COL5A1: variants seen among roughly 807,000 people sequenced by gnomAD.
COL5A1 encodes collagen alpha-1(V) chain.
Under a neutral mutation model 263.7 loss-of-function variants are expected in COL5A1, and 16 were observed. That is an observed-to-expected ratio of 0.06 (90% confidence interval 0.04 to 0.09). COL5A1 has a LOEUF of 0.09. Ranked by LOEUF, COL5A1 falls within the 10% of genes least tolerant of loss-of-function variation. The pLI, the probability that COL5A1 is intolerant of heterozygous loss-of-function variation, is 1.00. For synonymous variants in COL5A1, 1,012 were observed against 1,004.5 expected (o/e 1.01, Z -0.14); for missense variants, 2,036 against 2,540.5 (o/e 0.80, Z 4.27).
chr9:134,768,354 G>C, intron 24 of COL5A1, 56 bp from the exon 25 acceptor site: 1 of 1,464,184 alleles, frequency 6.8e-7, no homozygotes, highest in South Asian at 1.1e-5. Flanking sequence ...GGCCGACGGA[G>C]AGGTCAGGTG....
At chr9:134,752,759 T>C in intron 14 of COL5A1, 114 bp downstream of exon 14, 1 of 812,202 alleles carries the variant, frequency 1.2e-6, no homozygotes, top group Non-Finnish European at 2.1e-6. Context: ...AGAGCGGCCC[T>C]TGGTCCAGTG....
chr9:134,748,697 T>A (rs552147167), intron 11 of COL5A1, among the ~76,000 whole-genome samples: 3 of 152,322 alleles, frequency 2.0e-5, no homozygotes, highest in African/African-American at 4.8e-5. Flanking sequence ...AATATACACA[T>A]ATATACATTC....
At chr9:134,835,887 G>A (rs1839836422) in intron 65 of COL5A1, among the ~76,000 whole-genome samples, 1 of 152,190 alleles carries the variant, frequency 6.6e-6, no homozygotes, top group African/African-American at 2.4e-5. Flanking sequence ...ACAGGTCTGG[G>A]ATGTGCCCGC....
intron 19 of COL5A1, among the ~76,000 whole-genome samples, chr9:134,762,582 G>A (rs1231169030): frequency 6.6e-6 from 1 of 152,238 alleles, no homozygotes; most frequent in African/African-American, 2.4e-5. Context: ...AGCACAGTGG[G>A]ATTGGGGCAT....
At chr9:134,648,821 G>A (rs61045038) in intron 1 of COL5A1, among the ~76,000 whole-genome samples, 26,467 of 152,142 alleles carry the variant, frequency 0.17, 2,677 homozygotes, top group African/African-American at 0.25. Context: ...CGGATCGCTC[G>A]CTGCTCGCTG....
intron 1 of COL5A1, among the ~76,000 whole-genome samples, chr9:134,687,474 T>TCATCCATCCATCCATC: frequency 6.6e-6 from 1 of 150,780 alleles, no homozygotes; most frequent in East Asian, 2.0e-4. Context: ...ATCCATCCAT[T>TCATCCATCCATCCATC]CATCCATCCA....
intron 2 of COL5A1, among the ~76,000 whole-genome samples, chr9:134,694,843 CGG>C (rs1564393072): frequency 1.3e-5 from 2 of 152,282 alleles, no homozygotes; most frequent in African/African-American, 4.8e-5. Flanking sequence ...CATCGCCTCA[CGG>C]TGAGGTGGCC....
intron 4 of COL5A1, among the ~76,000 whole-genome samples, chr9:134,719,676 A>G (rs1049743271): frequency 2.0e-5 from 3 of 152,182 alleles, no homozygotes; most frequent in Non-Finnish European, 4.4e-5. Context: ...ATCATGCTCC[A>G]TATCCTGGGT....
At chr9:134,737,215 G>A (rs1319350186) in intron 9 of COL5A1, among the ~76,000 whole-genome samples, 3 of 152,232 alleles carry the variant, frequency 2.0e-5, no homozygotes, top group African/African-American at 4.8e-5. Flanking sequence ...CGTGGAGGGC[G>A]CCATGGCCGC....
chr9:134,759,317 CAT>C (rs1482923344), intron 18 of COL5A1, among the ~76,000 whole-genome samples: 1 of 144,806 alleles, frequency 6.9e-6, no homozygotes, highest in Admixed American at 6.9e-5. Context: ...CCCCCACACT[CAT>C]ACACACATGC....
In COL5A1 at chr9:134,727,667, C is replaced by T. The variant is rs564937129; in HGVS notation, c.786+270C>T. ...ATGGTGAATGCCCAGTGCTCTCTCA[C>T]GCTTGGGCTTGACCTTGATGGGGTA... On this transcript the variant is annotated intron_variant, in intron 5 of 65. Coordinates refer to ENST00000371817, the MANE Select transcript of COL5A1 (RefSeq NM_000093.5). Among the ~76,000 whole-genome samples the T allele has an allele frequency of 7.2e-5, 11 of 152,308 alleles. No homozygotes were observed. In the South Asian group the frequency reaches 1.9e-3, roughly 26 times the overall value.
At chr9:134,712,631 G>GT (rs1208749265) in intron 4 of COL5A1, among the ~76,000 whole-genome samples, 1 of 35,256 alleles carries the variant, frequency 2.8e-5, no homozygotes, top group Admixed American at 4.2e-4. Flanking sequence ...CTTCCTTCCT[G>GT]TTCCCCCTCC....
chr9:134,704,669 A>G lies in COL5A1; in HGVS notation c.654+3336A>G, dbSNP rs372901133. ...CCACAAGTTGTTAATGGTCTGGAGG[A>G]GGTGTTTTCCTAGCCCCAGAGTTTC... On this transcript the variant is annotated intron_variant, in intron 4 of 65. Transcript: ENST00000371817. Among the ~76,000 whole-genome samples, 8 of 152,160 alleles carry G rather than the reference A, an allele frequency of 5.3e-5. No individual in the cohort carries two copies. The East Asian group carries it at 9.6e-4, about 18-fold the overall frequency.
At chr9:134,782,451 C>T (rs1194698650) in intron 28 of COL5A1, 27 of 653,608 alleles carry the variant, frequency 4.1e-5, no homozygotes, top group Non-Finnish European at 5.5e-6. Flanking sequence ...AGGGACGCAG[C>T]TCTCTCCAGC....
At chr9:134,756,370 G>T (rs866165756) in intron 16 of COL5A1, among the ~76,000 whole-genome samples, 1 of 152,210 alleles carries the variant, frequency 6.6e-6, no homozygotes, top group African/African-American at 2.4e-5. Context: ...GAAAGGAGCT[G>T]TGCTGTCTGT....
At chr9:134,727,825 A>G (rs973852612) in intron 5 of COL5A1, among the ~76,000 whole-genome samples, 1 of 152,178 alleles carries the variant, frequency 6.6e-6, no homozygotes, top group African/African-American at 2.4e-5. Flanking sequence ...CCTTGAGTGT[A>G]AAGTGTACTG....
At chr9:134,747,555 A>C (rs527609818) in intron 11 of COL5A1, among the ~76,000 whole-genome samples, 2 of 152,076 alleles carry the variant, frequency 1.3e-5, no homozygotes, top group Admixed American at 1.3e-4. Flanking sequence ...CTGCATATGC[A>C]TGCATACATG....
rs370395403 is a variant in COL5A1 at position 134,701,142 on chromosome 9, C to T, written c.492-29C>T. 7 of 1,612,746 alleles carry T rather than the reference C, an allele frequency of 4.3e-6. No individual in the cohort carries two copies. The African/African-American group carries it at 6.7e-5, about 15-fold the overall frequency. On this transcript the variant is annotated intron_variant, in intron 3 of 65. Transcript: ENST00000371817. ...CTTGAGCTGGCATCTGTGATCCAAG[C>T]CCTGTCTTCACCATCTGTTTCTTTG...
In COL5A1 at chr9:134,700,359, C is replaced by T. The variant is rs1008648103; in HGVS notation, c.491+237C>T. On this transcript the variant is annotated intron_variant, in intron 3 of 65. Transcript: ENST00000371817. This position sits in a 1 kb window ranked among gnomAD's most constrained non-coding sequence, Gnocchi z 4.0. ...TTCTCCTCCCTGGCCCTCCATTATC[C>T]CTTTGTAAAGTGCACTAAAGCACAT... Among the ~76,000 whole-genome samples the T allele has an allele frequency of 6.6e-6, 1 of 152,188 alleles. No individual in the cohort carries two copies. The highest frequency in any genetic ancestry group is 1.5e-5 in the Non-Finnish European group (1 of 68,042).
Sources: gnomAD v4.1 joint callset for allele counts (sites outside exome capture counted in the v4.1 genomes callset) on GRCh38, gnomAD v4.1.1 for gene constraint, Gnocchi (gnomAD v3.1) non-coding constraint, MANE v1.5 for transcripts, NCBI Gene and HGNC (gene_info 2026-07-23, HGNC 2026-07-21) for gene names.